The following KCNN2 variants were observed in gnomAD, a reference collection of about 807,000 sequenced individuals.
The protein encoded by KCNN2 is potassium calcium-activated channel subfamily N member 2.
KCNN2 carries 24 observed loss-of-function variants against 55.5 expected under a neutral mutation model. That is an observed-to-expected ratio of 0.43 (90% CI 0.31 to 0.61). KCNN2 has a LOEUF of 0.61. KCNN2 is among the 20% of genes least tolerant of loss of function. The pLI, the probability that KCNN2 is intolerant of heterozygous loss-of-function variation, is 0.08. For synonymous variants in KCNN2, 431 were observed against 336.1 expected (o/e 1.28, Z -3.09); for missense variants, 754 against 853.6 (o/e 0.88, Z 1.45).
At chr5:114,227,348 C>CA (rs970994293) in intron 2 of KCNN2, among the ~76,000 whole-genome samples, 10 of 152,152 alleles carry the variant, frequency 6.6e-5, no homozygotes, top group Admixed American at 3.3e-4. Context: ...ACACCTAGTT[C>CA]AAATTCCTTT....
At chr5:114,250,835 C>A (rs1168209341) in intron 2 of KCNN2, among the ~76,000 whole-genome samples, 3 of 152,312 alleles carry the variant, frequency 2.0e-5, no homozygotes, top group African/African-American at 7.2e-5. Flanking sequence ...TTTAATATTT[C>A]TCTCCGGCCA....
intron 1 of KCNN2, among the ~76,000 whole-genome samples, chr5:114,071,276 T>C (rs1210953196): frequency 6.6e-6 from 1 of 152,206 alleles, no homozygotes; most frequent in Non-Finnish European, 1.5e-5. Context: ...ACTACAGAGC[T>C]TGAGTAGCAG....
chr5:114,069,110 C>T (rs1750512354), intron 1 of KCNN2, among the ~76,000 whole-genome samples: 1 of 152,158 alleles, frequency 6.6e-6, no homozygotes, highest in African/African-American at 2.4e-5. Context: ...CCACCGCACC[C>T]TGCCAATTGC....
chr5:114,350,985 C>G (rs926928312), intron 2 of KCNN2, among the ~76,000 whole-genome samples: 17 of 151,730 alleles, frequency 1.1e-4, no homozygotes, highest in Non-Finnish European at 1.8e-4. Flanking sequence ...CAATTTCTCC[C>G]AAACCCTATC....
At chr5:114,171,652 A>T (rs1341602210) in intron 1 of KCNN2, among the ~76,000 whole-genome samples, 1 of 145,678 alleles carries the variant, frequency 6.9e-6, no homozygotes, top group Non-Finnish European at 1.5e-5. Flanking sequence ...AAATTGTGGA[A>T]TTCCAGAGCC....
intron 2 of KCNN2, among the ~76,000 whole-genome samples, chr5:114,321,086 T>C (rs1037727240): frequency 6.6e-6 from 1 of 152,158 alleles, no homozygotes; most frequent in African/African-American, 2.4e-5. Flanking sequence ...CTACAATTGT[T>C]TCCCACGTCT....
At chr5:114,389,974 A>G (rs1496389) in intron 2 of KCNN2, among the ~76,000 whole-genome samples, 45,573 of 152,022 alleles carry the variant, frequency 0.3, 7,115 homozygotes, top group Non-Finnish European at 0.35. Context: ...AGGTTTTTCA[A>G]TAACTCACAC....
intron 2 of KCNN2, among the ~76,000 whole-genome samples, chr5:114,393,215 G>T (rs1232965491): frequency 1.3e-5 from 2 of 152,036 alleles, no homozygotes; most frequent in Non-Finnish European, 2.9e-5. Flanking sequence ...CATTCAGTAA[G>T]TGAATGAAAA....
intron 6 of KCNN2, among the ~76,000 whole-genome samples, chr5:114,491,644 T>G (rs1008697393): frequency 1.3e-5 from 2 of 152,026 alleles, no homozygotes; most frequent in African/African-American, 2.4e-5. Context: ...ATTAACTGTT[T>G]TCCATCTTAA....
intron 1 of KCNN2, among the ~76,000 whole-genome samples, 200 bp downstream of exon 1, chr5:114,363,461 A>G (rs1363528443): frequency 1.3e-5 from 2 of 152,230 alleles, no homozygotes; most frequent in African/African-American, 2.4e-5. Context: ...GCGTGCAGCC[A>G]AAGTTCTCGA....
At chr5:114,239,507 C>A (rs556421336) in intron 2 of KCNN2, among the ~76,000 whole-genome samples, 3 of 152,076 alleles carry the variant, frequency 2.0e-5, no homozygotes, top group Admixed American at 1.3e-4. Context: ...CTAACTGGGG[C>A]AAAGCAGATT....
intron 2 of KCNN2, among the ~76,000 whole-genome samples, chr5:114,258,515 C>T (rs1349002338): frequency 1.3e-5 from 2 of 151,996 alleles, no homozygotes; most frequent in Non-Finnish European, 2.9e-5. Context: ...GATTCAGTCT[C>T]ACTACTCATT....
At chr5:114,080,359 A>T (rs1364087208) in intron 1 of KCNN2, among the ~76,000 whole-genome samples, 1 of 152,166 alleles carries the variant, frequency 6.6e-6, no homozygotes. Context: ...CATGTTCTGA[A>T]AGAATTTGTT....
chr5:114,147,645 A>T (rs1317903833), intron 1 of KCNN2, among the ~76,000 whole-genome samples: 1 of 152,204 alleles, frequency 6.6e-6, no homozygotes, highest in Non-Finnish European at 1.5e-5. Flanking sequence ...GTTCAGATAG[A>T]CAGTGAGGAC....
chr5:114,404,298 C>A (rs1349024399), intron 2 of KCNN2, 140 bp from the exon 3 acceptor site: 6 of 641,340 alleles, frequency 9.4e-6, no homozygotes, highest in South Asian at 2.0e-5. Context: ...AAATAGTATA[C>A]CTGGCTAGCA....
intron 1 of KCNN2, among the ~76,000 whole-genome samples, chr5:114,139,810 A>G (rs1752240287): frequency 2.0e-5 from 3 of 151,802 alleles, no homozygotes; most frequent in South Asian, 4.1e-4. Context: ...ATATTAGTTC[A>G]TATAGATGTT....
chr5:114,075,714 T>C (rs1750672640), intron 1 of KCNN2, among the ~76,000 whole-genome samples: 1 of 126,610 alleles, frequency 7.9e-6, no homozygotes, highest in Non-Finnish European at 1.8e-5. Context: ...ACCAGGTGAC[T>C]TGCTTTTTAG....
chr5:114,461,381 C>A (rs2084930001), intron 3 of KCNN2, among the ~76,000 whole-genome samples: 1 of 152,126 alleles, frequency 6.6e-6, no homozygotes, highest in South Asian at 2.1e-4. Context: ...GTGGTGATTT[C>A]TGCACCTCTG....
At chr5:114,336,794 G>T (rs988829321) in intron 2 of KCNN2, among the ~76,000 whole-genome samples, 4 of 152,090 alleles carry the variant, frequency 2.6e-5, no homozygotes, top group African/African-American at 9.7e-5. Context: ...TCCATGAAAA[G>T]GAAATAGCTT....
Sources: allele counts gnomAD v4.1 joint callset (sites outside exome capture counted in the v4.1 genomes callset), GRCh38; gene constraint gnomAD v4.1.1; transcripts MANE v1.5; gene names NCBI Gene and HGNC (gene_info 2026-07-23, HGNC 2026-07-21).